IKZF1: variants seen among roughly 807,000 people sequenced by gnomAD.
IKZF1 encodes IKAROS family zinc finger 1.
Under a neutral mutation model 51.7 loss-of-function variants are expected in IKZF1, and 10 were observed. The observed-to-expected ratio is 0.19, with a 90% confidence interval of 0.12 to 0.33. The LOEUF is 0.33. Ranked by LOEUF, IKZF1 falls within the 10% of genes least tolerant of loss-of-function variation. IKZF1 has a pLI of 1.00. For synonymous variants in IKZF1, 280 were observed against 282.3 expected (o/e 0.99, Z 0.08); for missense variants, 484 against 707.5 (o/e 0.68, Z 3.58).
chr7:50,371,374 A>C (rs1808623553), intron 3 of IKZF1, among the ~76,000 whole-genome samples: 1 of 152,214 alleles, frequency 6.6e-6, no homozygotes, highest in African/African-American at 2.4e-5. Flanking sequence ...ATTCTCGCAG[A>C]GCCTCCGTCA....
Position 50,400,213 on chromosome 7 carries a change from G to A in IKZF1, c.1146G>A (p.Val382=), listed in dbSNP as rs1817789224. The A allele has an allele frequency of 3.8e-6, 6 of 1,586,168 alleles. No individual in the cohort carries two copies. The African/African-American group carries it at 8.1e-5, about 21-fold the overall frequency. Residue 382 remains valine (V), a synonymous_variant, in exon 8 of 8, where the codon GTG becomes GTA. Transcript: ENST00000331340. This position sits in a 1 kb window ranked among gnomAD's most constrained non-coding sequence, Gnocchi z 5.4. ...TGCTGCTCTCCAAGGCCAAGTTGGT[G>A]CCCTCGGAGCGCGAGGCGTCCCCGA... is the stretch of plus-strand genomic sequence containing the variant. ...NLLLLSKAKL[V]PSEREASPSN... is the part of the protein sequence containing the mutation.
At chr7:50,322,077 A>G (rs1793515588) in intron 2 of IKZF1, among the ~76,000 whole-genome samples, 1 of 152,254 alleles carries the variant, frequency 6.6e-6, no homozygotes, top group Non-Finnish European at 1.5e-5. Context: ...CTTTTAGTAA[A>G]GAATCAAAGG....
intron 3 of IKZF1, among the ~76,000 whole-genome samples, chr7:50,353,021 C>T (rs1034783195): frequency 2.6e-5 from 4 of 152,200 alleles, no homozygotes; most frequent in Non-Finnish European, 2.9e-5. Flanking sequence ...TGGCTGTCCA[C>T]GCCTCTTTTC....
chr7:50,399,062 T>G (rs1173584571), intron 7 of IKZF1, among the ~76,000 whole-genome samples: 2 of 152,236 alleles, frequency 1.3e-5, no homozygotes, highest in Admixed American at 6.5e-5. Context: ...GATCAGAAGT[T>G]TCTCAAGGCC....
intron 3 of IKZF1, among the ~76,000 whole-genome samples, chr7:50,359,719 C>T (rs1428601304): frequency 6.6e-6 from 1 of 152,246 alleles, no homozygotes; most frequent in African/African-American, 2.4e-5. Flanking sequence ...CAGATGCACC[C>T]ACCCAATTCC....
intron 3 of IKZF1, among the ~76,000 whole-genome samples, chr7:50,370,973 A>G (rs1808486898): frequency 6.6e-6 from 1 of 152,198 alleles, no homozygotes; most frequent in Non-Finnish European, 1.5e-5. Context: ...TTAGGAACTC[A>G]CAGAAGGGCA....
chr7:50,318,300 C>CTTT, intron 1 of IKZF1: 1 of 206,798 alleles, frequency 4.8e-6, no homozygotes, highest in Non-Finnish European at 9.6e-6. Context: ...TCTTTCTTTT[C>CTTT]TTTTTTTTTT....
At chr7:50,321,342 C>T (rs1584458542) in intron 2 of IKZF1, among the ~76,000 whole-genome samples, 1 of 152,226 alleles carries the variant, frequency 6.6e-6, no homozygotes, top group Admixed American at 6.5e-5. Context: ...TATAGCCTCT[C>T]ATTTGGCTTC....
intron 7 of IKZF1, 30 bp from the exon 8 acceptor site, chr7:50,399,888 G>A (rs1817683263): frequency 1.3e-6 from 2 of 1,589,732 alleles, no homozygotes; most frequent in African/African-American, 2.7e-5. Context: ...AGGTGGCCGC[G>A]CCCCACTCAC....
Position 50,403,752 on chromosome 7 carries a change from T to C in IKZF1, c.*3125T>C, listed in dbSNP as rs972678463. 3 of 228,620 alleles carry C rather than the reference T, an allele frequency of 1.3e-5. No homozygotes were observed. Among genetic ancestry groups the C allele is most frequent in the African/African-American group, 6.7e-5 (3 of 45,044 alleles). 14.2% of individuals were successfully genotyped at this position (228,620 alleles called of 1,614,324 possible). A position where few individuals can be genotyped will look rare whatever the true frequency, so the allele number is the denominator to read the frequency against. The stretch of plus-strand genomic sequence containing the variant: ...ACATAATAAAATCTTAGAATCTTCC[T>C]TGAGAAAGAGCTGCCTGAGATGTAG... On this transcript the variant is annotated 3_prime_UTR_variant, in exon 8 of 8. Transcript: ENST00000331340.
chr7:50,339,048 G>A (rs1014019221), intron 3 of IKZF1, among the ~76,000 whole-genome samples: 157 of 152,328 alleles, frequency 1.0e-3, no homozygotes, highest in East Asian at 5.8e-3. Flanking sequence ...GAAGTCTACC[G>A]TGGTTGGGAG....
At chr7:50,360,341 T>G (rs1462326167) in intron 3 of IKZF1, among the ~76,000 whole-genome samples, 1 of 151,982 alleles carries the variant, frequency 6.6e-6, no homozygotes, top group Non-Finnish European at 1.5e-5. Flanking sequence ...CCTCCAGAGT[T>G]CTCTTCAGTT....
chr7:50,363,706 A>C (rs750302501), intron 3 of IKZF1, among the ~76,000 whole-genome samples: 4 of 152,216 alleles, frequency 2.6e-5, no homozygotes, highest in Middle Eastern at 3.2e-3. Context: ...GGTGGTCTAA[A>C]AACAAATGGA....
intron 7 of IKZF1, among the ~76,000 whole-genome samples, chr7:50,396,364 T>G (rs1157115952): frequency 6.6e-6 from 1 of 152,204 alleles, no homozygotes; most frequent in African/African-American, 2.4e-5. Flanking sequence ...ATGCATTAAT[T>G]TTATAATAAT....
intron 3 of IKZF1, among the ~76,000 whole-genome samples, chr7:50,371,717 T>A (rs78015841): frequency 0.057 from 8,729 of 152,332 alleles, 289 homozygotes; most frequent in Middle Eastern, 0.092. Context: ...GTGTGCATCC[T>A]GTGCCACCAA....
In IKZF1 at chr7:50,403,503, G is replaced by A. The variant is rs1427735204; in HGVS notation, c.*2876G>A. 4.4e-6 allele frequency: 1 copy of A among 229,124 alleles called. No homozygotes were observed. Among genetic ancestry groups the A allele is most frequent in the Non-Finnish European group, 8.7e-6 (1 of 115,542 alleles). The allele number at this position is 229,124 out of a possible 1,614,324, so 14.2% of individuals were successfully genotyped here. ...TTACAGCTAGTAATCGCTGTGTCTT[G>A]TTCCGCCCCCTCCCTGACACCCCAG... On this transcript the variant is annotated 3_prime_UTR_variant, in exon 8 of 8. Coordinates refer to ENST00000331340, the MANE Select transcript of IKZF1 (RefSeq NM_006060.6).
chr7:50,379,419 G>A (rs572719668), intron 4 of IKZF1, among the ~76,000 whole-genome samples: 1 of 152,298 alleles, frequency 6.6e-6, no homozygotes, highest in African/African-American at 2.4e-5. Flanking sequence ...TACCACTGGC[G>A]CCATTTTCTA....
intron 1 of IKZF1, among the ~76,000 whole-genome samples, chr7:50,312,890 T>C (rs1212834290): frequency 6.6e-6 from 1 of 152,336 alleles, no homozygotes; most frequent in East Asian, 1.9e-4. Flanking sequence ...TGCTTTCCTG[T>C]TTAAATCTTG....
intron 1 of IKZF1, among the ~76,000 whole-genome samples, chr7:50,310,996 A>G (rs750221811): frequency 6.6e-6 from 1 of 152,242 alleles, no homozygotes; most frequent in Non-Finnish European, 1.5e-5. Flanking sequence ...ATCAAATTCC[A>G]TATACTGTGG....
Sources: gnomAD v4.1 joint callset for allele counts (sites outside exome capture counted in the v4.1 genomes callset) on GRCh38, gnomAD v4.1.1 for gene constraint, Gnocchi (gnomAD v3.1) non-coding constraint, MANE v1.5 for transcripts, NCBI Gene and HGNC (gene_info 2026-07-23, HGNC 2026-07-21) for gene names.